ATP10B: variants seen among roughly 807,000 people sequenced by gnomAD.
The protein encoded by ATP10B is phospholipid-transporting ATPase VB.
A neutral mutation model predicts 141.2 loss-of-function variants in ATP10B; 122 were observed. That is an observed-to-expected ratio of 0.86 (90% CI 0.75 to 1.00). The LOEUF is 1.00. ATP10B is among the 50% of genes least tolerant of loss of function. The pLI is 0.00. For synonymous variants in ATP10B, 685 were observed against 692.0 expected (o/e 0.99, Z 0.16); for missense variants, 1,876 against 1,825.3 (o/e 1.03, Z -0.51).
the ATP10B span, among the ~76,000 whole-genome samples, chr5:160,888,546 C>T: frequency 1.3e-5 from 2 of 152,176 alleles, no homozygotes; most frequent in Non-Finnish European, 2.9e-5. Context: ...GGAAATAAGA[C>T]AATCTGCTTC....
At chr5:160,656,575 T>C (rs1353662161) in intron 7 of ATP10B, among the ~76,000 whole-genome samples, 1 of 152,218 alleles carries the variant, frequency 6.6e-6, no homozygotes, top group Non-Finnish European at 1.5e-5. Context: ...AAAGGAATTA[T>C]TGAGATTAAT....
Position 160,565,243 on chromosome 5 carries a change from C to T in ATP10B, c.*210G>A, listed in dbSNP as rs1754460329. On this transcript the variant is annotated 3_prime_UTR_variant, in exon 26 of 26. Transcript: ENST00000327245. ...CCAAACTGTTTGCAAGATGTGCTGCCTGAGAGCAGCAGAAAACTAGAGGCC... is the reference window on the plus strand; with the variant it reads ...CCAAACTGTTTGCAAGATGTGCTGCTTGAGAGCAGCAGAAAACTAGAGGCC... 1.7e-6 allele frequency: 1 copy of T among 583,810 alleles called. No homozygotes were observed. The highest frequency in any genetic ancestry group is 3.0e-6 in the Non-Finnish European group (1 of 329,270). 36.2% of individuals were successfully genotyped at this position (583,810 alleles called of 1,614,324 possible).
intron 6 of ATP10B, among the ~76,000 whole-genome samples, chr5:160,673,067 CT>C (rs1193911199): frequency 6.6e-6 from 1 of 152,224 alleles, no homozygotes; most frequent in Non-Finnish European, 1.5e-5. Context: ...TGTGGAAGTG[CT>C]CTGTGGCTCT....
At chr5:160,808,631 TC>T (rs1772944589) in intron 1 of ATP10B, among the ~76,000 whole-genome samples, 2 of 152,326 alleles carry the variant, frequency 1.3e-5, no homozygotes, top group East Asian at 3.9e-4. Context: ...TGCCCCAAAC[TC>T]TTGGTATGAC....
the ATP10B span, among the ~76,000 whole-genome samples, chr5:160,883,563 G>A: frequency 1.3e-5 from 2 of 152,116 alleles, no homozygotes; most frequent in African/African-American, 4.8e-5. Context: ...AGTAACATTA[G>A]CAGTAATACT....
In ATP10B at chr5:160,615,889, C is replaced by T. The variant is rs768471624; in HGVS notation, c.2602G>A (p.Glu868Lys). 3.7e-6 allele frequency: 6 copies of T among 1,613,974 alleles called. No individual in the cohort carries two copies. The highest frequency in any genetic ancestry group is 2.2e-5 in the East Asian group (1 of 44,872). ...EAEASLDNRDELLMETAQHLE... is the reference protein window; with the variant it reads ...EAEASLDNRDKLLMETAQHLE... ...TGCTGTGCAGTTTCCATGAGAAGCT[C>T]ATCTCGGTTGTCGAGGGATGCCTCA... The change falls in exon 17 of 26, where the codon GAG becomes AAG. Residue 868 changes from glutamate (E) to lysine (K), a missense_variant. Coordinates refer to ENST00000327245, the MANE Select transcript of ATP10B (RefSeq NM_025153.3).
In ATP10B at chr5:160,744,780, CAT is replaced by C. The variant is rs201621772; in HGVS notation, c.-330-27748_-330-27747del. The stretch of plus-strand genomic sequence containing the variant: ...ACTGTCTATTGAGACAGACAATTTA[CAT>C]ATGTTAAGTCTCCGTAGATAGTAAA... On this transcript the variant is annotated intron_variant, in intron 2 of 25. Coordinates refer to ENST00000327245, the MANE Select transcript of ATP10B (RefSeq NM_025153.3). 1.3e-3 allele frequency among the ~76,000 whole-genome samples: 196 copies of C among 152,284 alleles called. 1 individual carries two copies. In the East Asian group the frequency reaches 0.033, roughly 26 times the overall value.
intron 2 of ATP10B, among the ~76,000 whole-genome samples, chr5:160,735,875 A>G (rs1363053358): frequency 1.3e-5 from 2 of 152,180 alleles, no homozygotes; most frequent in Admixed American, 6.5e-5. Flanking sequence ...AAATTAAACA[A>G]TGTGCTCCTG....
At chr5:160,887,213 C>G in the ATP10B span, among the ~76,000 whole-genome samples, 1 of 152,158 alleles carries the variant, frequency 6.6e-6, no homozygotes, top group Non-Finnish European at 1.5e-5. Flanking sequence ...TGCTCAAGTC[C>G]TTGATATAAA....
intron 22 of ATP10B, among the ~76,000 whole-genome samples, chr5:160,597,055 A>T (rs1756746732): frequency 6.6e-6 from 1 of 152,208 alleles, no homozygotes; most frequent in African/African-American, 2.4e-5. Flanking sequence ...TTTCAAGTTC[A>T]TATGGAGCCA....
chr5:160,886,418 T>A, the ATP10B span, among the ~76,000 whole-genome samples: 1 of 152,172 alleles, frequency 6.6e-6, no homozygotes, highest in African/African-American at 2.4e-5. Context: ...AAGTAGAGTG[T>A]GTTTTGAGGC....
In ATP10B at chr5:160,776,400, G is replaced by A. The variant is rs1016358623; in HGVS notation, c.-331+9159C>T. 9.8e-5 allele frequency among the ~76,000 whole-genome samples: 15 copies of A among 152,342 alleles called. 1 individual carries two copies. Among genetic ancestry groups the A allele is most frequent in the African/African-American group, 3.1e-4 (13 of 41,582 alleles). On this transcript the variant is annotated intron_variant, in intron 2 of 25. Transcript: ENST00000327245. ...GGAACAGCTATAAAATTAGTCAGCT[G>A]GTACTGTGTGCTTACTATATGCCAG...
intron 6 of ATP10B, among the ~76,000 whole-genome samples, chr5:160,674,745 A>G (rs1762920867): frequency 6.6e-6 from 1 of 152,076 alleles, no homozygotes; most frequent in South Asian, 2.1e-4. Context: ...TATGAGATCC[A>G]TATGACTTTG....
At chr5:160,707,191 T>A (rs559675187) in intron 3 of ATP10B, among the ~76,000 whole-genome samples, 4 of 152,284 alleles carry the variant, frequency 2.6e-5, no homozygotes, top group African/African-American at 9.6e-5. Flanking sequence ...CCTCAGGTGA[T>A]CTGCCCACCT....
At chr5:160,751,239 G>C (rs765315035) in intron 2 of ATP10B, among the ~76,000 whole-genome samples, 1 of 152,140 alleles carries the variant, frequency 6.6e-6, no homozygotes, top group Non-Finnish European at 1.5e-5. Flanking sequence ...ATCAGCCACA[G>C]TCTCTTCCCC....
At chr5:160,767,235 C>T (rs2127848938) in intron 2 of ATP10B, among the ~76,000 whole-genome samples, 1 of 152,248 alleles carries the variant, frequency 6.6e-6, no homozygotes, top group Middle Eastern at 3.4e-3. Flanking sequence ...AGTCAATATT[C>T]TCTTCTTTGA....
At chr5:160,877,955 G>T in the ATP10B span, among the ~76,000 whole-genome samples, 1 of 151,610 alleles carries the variant, frequency 6.6e-6, no homozygotes, top group East Asian at 1.9e-4. Context: ...TGGCCATACT[G>T]CCCAAGGTAA....
chr5:160,720,877 A>T (rs1561787583), intron 2 of ATP10B, among the ~76,000 whole-genome samples: 1 of 152,222 alleles, frequency 6.6e-6, no homozygotes, highest in Non-Finnish European at 1.5e-5. Context: ...GCAATAAAAA[A>T]TTATTCCCTC....
rs142289261 is a variant in ATP10B, at chr5:160,574,214, G to A, written c.3751-4531C>T. 6.6e-5 allele frequency among the ~76,000 whole-genome samples: 10 copies of A among 152,318 alleles called. No homozygotes were observed. The East Asian group carries it at 1.9e-3, about 29-fold the overall frequency. ...GGAGGCCATGGTGGGTGGATCACTT[G>A]AGGTCAGGAGGAGTTCAAGACAAGC... On this transcript the variant is annotated intron_variant, in intron 24 of 25. Coordinates refer to ENST00000327245, the MANE Select transcript of ATP10B (RefSeq NM_025153.3).
Sources: gnomAD v4.1 joint callset for allele counts (sites outside exome capture counted in the v4.1 genomes callset) on GRCh38, gnomAD v4.1.1 for gene constraint, MANE v1.5 for transcripts, NCBI Gene and HGNC (gene_info 2026-07-23, HGNC 2026-07-21) for gene names.